GALNT13: variants seen among roughly 807,000 people sequenced by gnomAD.
GALNT13 encodes polypeptide N-acetylgalactosaminyltransferase 13.
A neutral mutation model predicts 64.2 loss-of-function variants in GALNT13; 28 were observed. The observed-to-expected ratio is 0.44, with a 90% CI of 0.32 to 0.60. The LOEUF (loss-of-function observed/expected upper bound fraction) is 0.60, where lower values mean the gene tolerates loss of function less well. GALNT13 is among the 20% of genes least tolerant of loss of function. GALNT13 has a pLI of 0.05. For synonymous variants in GALNT13, 214 were observed against 224.6 expected (o/e 0.95, Z 0.42); for missense variants, 577 against 669.8 (o/e 0.86, Z 1.53).
the GALNT13 span, among the ~76,000 whole-genome samples, chr2:153,076,652 ACT>A: frequency 8.8e-4 from 132 of 149,796 alleles, 2 homozygotes; most frequent in East Asian, 0.023. Context: ...TTGTCTTATA[ACT>A]CTAATGATCA....
At chr2:153,876,358 A>T (rs1686378707) in intron 1 of GALNT13, among the ~76,000 whole-genome samples, 1 of 152,134 alleles carries the variant, frequency 6.6e-6, no homozygotes, top group South Asian at 2.1e-4. Context: ...AATTTCTATC[A>T]AGGCACATTG....
the GALNT13 span, among the ~76,000 whole-genome samples, chr2:153,253,366 G>T: frequency 8.3e-6 from 1 of 121,050 alleles, no homozygotes; most frequent in African/African-American, 3.5e-5. Context: ...AGGAGATTTT[G>T]GGCTGAGACA....
At chr2:153,397,601 G>C in the GALNT13 span, among the ~76,000 whole-genome samples, 7 of 151,728 alleles carry the variant, frequency 4.6e-5, no homozygotes, top group African/African-American at 1.7e-4. Flanking sequence ...TTAGGTATGA[G>C]AGATTCATGC....
At chr2:153,438,955 C>G in the GALNT13 span, among the ~76,000 whole-genome samples, 6 of 152,090 alleles carry the variant, frequency 3.9e-5, no homozygotes, top group Non-Finnish European at 7.3e-5. Context: ...GTGGTTTTAT[C>G]TACCTTTGGT....
chr2:153,664,923 A>G, the GALNT13 span, among the ~76,000 whole-genome samples: 7 of 152,210 alleles, frequency 4.6e-5, no homozygotes. Flanking sequence ...AATGGTAAAC[A>G]AAATGAAATA....
chr2:153,777,195 A>G, the GALNT13 span, among the ~76,000 whole-genome samples: 1 of 151,996 alleles, frequency 6.6e-6, no homozygotes, highest in Non-Finnish European at 1.5e-5. Context: ...AAATTGAAAT[A>G]AAATCCTGCA....
At chr2:153,677,284 TACACACACACACACAC>T in the GALNT13 span, among the ~76,000 whole-genome samples, 16 of 144,658 alleles carry the variant, frequency 1.1e-4, no homozygotes, top group Admixed American at 2.7e-4. Flanking sequence ...ACAATAGACA[TACACACACACACACAC>T]ACACACACAC....
At chr2:153,600,090 A>G in the GALNT13 span, among the ~76,000 whole-genome samples, 8 of 152,080 alleles carry the variant, frequency 5.3e-5, no homozygotes, top group African/African-American at 1.7e-4. Context: ...AAATATATTT[A>G]CCTTTCAGCT....
In GALNT13 at chr2:154,141,530, C is replaced by T. The variant is rs537007066; in HGVS notation, c.311+1025C>T. Among the ~76,000 whole-genome samples, 4 of 152,012 alleles carry T rather than the reference C, an allele frequency of 2.6e-5. No homozygotes were observed. In the South Asian group the frequency reaches 6.2e-4, roughly 24 times the overall value. ...ACATACACATTAGCCTAGGTCTATT[C>T]GGGGTCAGGATCATCAAACATCACT... On this transcript the variant is annotated intron_variant, in intron 4 of 12. Transcript: ENST00000392825.
the GALNT13 span, among the ~76,000 whole-genome samples, chr2:153,615,789 AT>A: frequency 6.6e-6 from 1 of 151,782 alleles, no homozygotes; most frequent in African/African-American, 2.4e-5. Flanking sequence ...AGATTATTAG[AT>A]TTTTTTCTAT....
chr2:153,423,565 AGATTAT>A, the GALNT13 span: 1 of 151,918 alleles, frequency 6.6e-6, no homozygotes, highest in African/African-American at 2.4e-5. Flanking sequence ...TCATTTGCAA[AGATTAT>A]GATTATGTAT....
chr2:153,345,666 T>TCTTTCTTTCTTTCTTTCTTC, the GALNT13 span, among the ~76,000 whole-genome samples: 1 of 143,032 alleles, frequency 7.0e-6, no homozygotes, highest in African/African-American at 2.7e-5. Context: ...TTTCTTTCTT[T>TCTTTCTTTCTTTCTTTCTTC]CTTTCTTTCT....
chr2:154,313,450 A>AAT (rs1452404231), intron 9 of GALNT13, among the ~76,000 whole-genome samples: 125 of 138,978 alleles, frequency 9.0e-4, no homozygotes, highest in Non-Finnish European at 1.1e-3. Context: ...ACACACACAC[A>AAT]ATATATATAT....
intron 4 of GALNT13, among the ~76,000 whole-genome samples, chr2:154,151,388 G>GA (rs1292874553): frequency 1.3e-5 from 2 of 152,106 alleles, no homozygotes; most frequent in African/African-American, 2.4e-5. Flanking sequence ...GTGCAGTGCT[G>GA]AAAAAAATGT....
At chr2:153,864,326 T>A in the GALNT13 span, among the ~76,000 whole-genome samples, 1 of 152,016 alleles carries the variant, frequency 6.6e-6, no homozygotes, top group Non-Finnish European at 1.5e-5. Context: ...AAAGGTCTGA[T>A]GGGGGGAAGG....
chr2:153,689,098 G>GTC, the GALNT13 span, among the ~76,000 whole-genome samples: 2 of 149,246 alleles, frequency 1.3e-5, no homozygotes, highest in African/African-American at 4.9e-5. Flanking sequence ...GTGTGTGTGT[G>GTC]TGTTTAGCGT....
At chr2:154,038,675 G>A (rs936949154) in intron 3 of GALNT13, among the ~76,000 whole-genome samples, 1 of 151,982 alleles carries the variant, frequency 6.6e-6, no homozygotes, top group African/African-American at 2.4e-5. Flanking sequence ...AGAAAACATA[G>A]GAGTAATGCT....
chr2:154,426,300 G>A (rs1700467612), intron 11 of GALNT13, among the ~76,000 whole-genome samples: 1 of 152,192 alleles, frequency 6.6e-6, no homozygotes, highest in Non-Finnish European at 1.5e-5. Context: ...AATCATGGCA[G>A]TTTTCATCTT....
the GALNT13 span, among the ~76,000 whole-genome samples, chr2:153,466,808 C>T: frequency 6.6e-6 from 1 of 151,982 alleles, no homozygotes; most frequent in South Asian, 2.1e-4. Flanking sequence ...CAGACCAATA[C>T]TCAGGTCTCC....
Sources: allele counts gnomAD v4.1 joint callset (sites outside exome capture counted in the v4.1 genomes callset), GRCh38; gene constraint gnomAD v4.1.1; transcripts MANE v1.5; gene names NCBI Gene and HGNC (gene_info 2026-07-23, HGNC 2026-07-21).